Variants in HDAC9 observed in about 807,000 individuals in gnomAD.
The protein encoded by HDAC9 is histone deacetylase 9.
HDAC9 carries 41 observed loss-of-function variants against 139.4 expected under a neutral mutation model. The ratio of observed to expected loss-of-function variants is 0.29; its 90% CI spans 0.23 to 0.38. The LOEUF is 0.38. Among genes scored for constraint, HDAC9 ranks in the 10% least tolerant of loss-of-function variants. HDAC9 has a pLI of 1.00. For missense variants in HDAC9, 1,147 were observed against 1,297.0 expected, an observed-to-expected ratio of 0.88 and a Z score of 1.78; for synonymous variants, 517 against 476.2, an observed-to-expected ratio of 1.09 and a Z score of -1.12.
At chr7:18,324,334 G>A (rs1351316830) in intron 1 of HDAC9, among the ~76,000 whole-genome samples, 2 of 152,046 alleles carry the variant, frequency 1.3e-5, no homozygotes, top group African/African-American at 4.8e-5. Context: ...GGCAAACCCC[G>A]GTTCAATTTC....
intron 22 of HDAC9, among the ~76,000 whole-genome samples, chr7:18,911,452 C>G (rs191972788): frequency 1.3e-5 from 2 of 151,486 alleles, no homozygotes; most frequent in Admixed American, 1.3e-4. Context: ...TTTTGTTTAT[C>G]TTTTATTTTT....
chr7:18,322,127 G>A (rs919391520), intron 1 of HDAC9, among the ~76,000 whole-genome samples: 18 of 152,222 alleles, frequency 1.2e-4, no homozygotes, highest in African/African-American at 3.9e-4. Context: ...TGTAAAGCCT[G>A]TATTAAAGTA....
intron 1 of HDAC9, among the ~76,000 whole-genome samples, chr7:18,467,269 A>AG (rs1794357340): frequency 6.6e-6 from 1 of 152,052 alleles, no homozygotes; most frequent in African/African-American, 2.4e-5. Context: ...CATGTTTGAT[A>AG]TTTCCCTCTC....
chr7:18,358,336 T>C (rs771525460), intron 1 of HDAC9, among the ~76,000 whole-genome samples: 4 of 152,232 alleles, frequency 2.6e-5, no homozygotes, highest in East Asian at 3.8e-4. Context: ...CAAACACTTA[T>C]GTAGGAGGTA....
At chr7:18,810,986 G>T (rs1294856930) in intron 17 of HDAC9, among the ~76,000 whole-genome samples, 1 of 151,868 alleles carries the variant, frequency 6.6e-6, no homozygotes, top group African/African-American at 2.4e-5. Context: ...TTTCATGTGG[G>T]TAAATGCCTA....
chr7:18,086,992 C>G (rs1290715245), exon 1 of HDAC9: 1 of 150,412 alleles, frequency 6.6e-6, no homozygotes, highest in African/African-American at 2.4e-5. Context: ...CCGCTCTCGC[C>G]GCTTTCGCCG....
intron 1 of HDAC9, among the ~76,000 whole-genome samples, chr7:18,421,001 A>G (rs1789568717): frequency 6.6e-6 from 1 of 152,350 alleles, no homozygotes; most frequent in East Asian, 1.9e-4. Flanking sequence ...ATGCCTAGAC[A>G]TGCATCATAA....
intron 1 of HDAC9, among the ~76,000 whole-genome samples, chr7:18,441,812 A>G (rs893125997): frequency 6.6e-6 from 1 of 152,198 alleles, no homozygotes. Context: ...TCTGTCGCTC[A>G]GGCTGGAGTG....
intron 17 of HDAC9, among the ~76,000 whole-genome samples, chr7:18,795,183 A>G (rs1415098718): frequency 1.3e-5 from 2 of 151,530 alleles, no homozygotes; most frequent in Non-Finnish European, 2.9e-5. Flanking sequence ...ATTGAGAACA[A>G]CGATTGGTAC....
At chr7:18,282,995 G>A (rs1797202807) in intron 2 of HDAC9, among the ~76,000 whole-genome samples, 1 of 115,876 alleles carries the variant, frequency 8.6e-6, no homozygotes, top group Admixed American at 8.2e-5. Context: ...CAATTTTGTA[G>A]ATACTCAACA....
intron 22 of HDAC9, among the ~76,000 whole-genome samples, chr7:18,883,417 T>TAAC (rs1799879969): frequency 6.6e-6 from 1 of 152,028 alleles, no homozygotes; most frequent in South Asian, 2.1e-4. Flanking sequence ...TATACCTGAT[T>TAAC]AACAGTATGA....
At chr7:18,720,641 G>A (rs1404734822) in intron 12 of HDAC9, among the ~76,000 whole-genome samples, 1 of 149,128 alleles carries the variant, frequency 6.7e-6, no homozygotes, top group Non-Finnish European at 1.5e-5. Context: ...AAAAAAAAAT[G>A]TGTTACCAAA....
At chr7:18,369,348 C>G (rs553238816) in intron 1 of HDAC9, among the ~76,000 whole-genome samples, 70 of 152,078 alleles carry the variant, frequency 4.6e-4, no homozygotes, top group African/African-American at 1.6e-3. Context: ...TCATTATTTT[C>G]TATAGTGGTA....
At chr7:18,831,529 C>T (rs965495958) in intron 19 of HDAC9, among the ~76,000 whole-genome samples, 17 of 152,134 alleles carry the variant, frequency 1.1e-4, no homozygotes, top group Admixed American at 5.9e-4. Flanking sequence ...CTGTAGTAGA[C>T]GAGAAGTTTT....
chr7:18,406,781 CTT>C (rs1378386835), intron 1 of HDAC9, among the ~76,000 whole-genome samples: 1 of 152,052 alleles, frequency 6.6e-6, no homozygotes, highest in Non-Finnish European at 1.5e-5. Context: ...AAACATCTCT[CTT>C]ATGATTAGAG....
chr7:18,352,899 T>C (rs951622991), intron 1 of HDAC9, among the ~76,000 whole-genome samples: 24 of 152,112 alleles, frequency 1.6e-4, no homozygotes, highest in Non-Finnish European at 1.3e-4. Context: ...AGCCTCACCA[T>C]ATAGGGTGTT....
intron 2 of HDAC9, among the ~76,000 whole-genome samples, chr7:18,557,451 G>T (rs1304555553): frequency 2.0e-5 from 3 of 148,768 alleles, no homozygotes; most frequent in Non-Finnish European, 4.5e-5. Flanking sequence ...TGTTATGTGT[G>T]TTCTTTATTT....
At chr7:18,955,474 T>G (rs994106151) in intron 24 of HDAC9, among the ~76,000 whole-genome samples, 1 of 152,194 alleles carries the variant, frequency 6.6e-6, no homozygotes. Flanking sequence ...CATATTATTA[T>G]CTTTTTCTGA....
intron 12 of HDAC9, among the ~76,000 whole-genome samples, chr7:18,680,416 A>G (rs1339366300): frequency 6.6e-6 from 1 of 152,014 alleles, no homozygotes; most frequent in African/African-American, 2.4e-5. Flanking sequence ...ATGTGTTCTT[A>G]AAGCAATCAG....
Sources: gnomAD v4.1 joint callset for allele counts (sites outside exome capture counted in the v4.1 genomes callset) on GRCh38, gnomAD v4.1.1 for gene constraint, MANE v1.5 for transcripts, NCBI Gene and HGNC (gene_info 2026-07-23, HGNC 2026-07-21) for gene names.